The following CCDC88C variants were observed in gnomAD, a reference collection of about 807,000 sequenced individuals.
The protein encoded by CCDC88C is protein Daple.
In CCDC88C, 131 loss-of-function variants were observed where a neutral mutation model predicts 198.8. The observed-to-expected ratio is 0.66, with a 90% CI of 0.57 to 0.76. The LOEUF (loss-of-function observed/expected upper bound fraction) is 0.76, where lower values mean the gene tolerates loss of function less well. Ranked by LOEUF, CCDC88C falls within the 30% of genes least tolerant of loss-of-function variation. The pLI is 0.00. For missense variants in CCDC88C, 2,553 were observed against 2,631.6 expected, an observed-to-expected ratio of 0.97 and a Z score of 0.65; for synonymous variants, 1,166 against 1,114.7, an observed-to-expected ratio of 1.05 and a Z score of -0.92.
chr14:91,415,637 T>C (rs917819290), intron 2 of CCDC88C, among the ~76,000 whole-genome samples: 2 of 152,032 alleles, frequency 1.3e-5, no homozygotes, highest in African/African-American at 4.8e-5. Flanking sequence ...GGATAATCGC[T>C]TGAACCCGGG....
In CCDC88C at chr14:91,294,310, G is replaced by A; in HGVS notation, c.3975C>T (p.Ser1325=). The A allele has an allele frequency of 4.3e-6, 7 of 1,613,932 alleles. No homozygotes were observed. Among genetic ancestry groups the A allele is most frequent in the Non-Finnish European group, 5.9e-6 (7 of 1,179,868 alleles). The change falls in exon 23 of 30, where the codon TCC becomes TCT. Residue 1325 remains serine, a synonymous_variant. Coordinates refer to ENST00000389857, the MANE Select transcript of CCDC88C (RefSeq NM_001080414.4). ...TKLDNHCELL[S]RLKGNLEEEN... is the part of the protein sequence containing the mutation. ...CTTCCTCCAAGTTCCCCTTGAGACG[G>A]GAGAGCAGCTAGAACACAGACCAAC... is the stretch of plus-strand genomic sequence containing the variant.
intron 3 of CCDC88C, among the ~76,000 whole-genome samples, chr14:91,393,877 A>C (rs1885677263): frequency 6.6e-6 from 1 of 152,218 alleles, no homozygotes; most frequent in Admixed American, 6.5e-5. Context: ...CAACTTCATG[A>C]GCTCTACTCC....
rs1886338649 is a variant in CCDC88C, at chr14:91,403,732, C to T, written c.270+4927G>A. Among the ~76,000 whole-genome samples, 4 of 152,200 alleles carry T rather than the reference C, an allele frequency of 2.6e-5. No individual in the cohort carries two copies. The South Asian group carries it at 8.3e-4, about 32-fold the overall frequency. On this transcript the variant is annotated intron_variant, in intron 3 of 29. Coordinates refer to ENST00000389857, the MANE Select transcript of CCDC88C (RefSeq NM_001080414.4). ...ACTGCTTGAGCTCCCAAGTTTGAGA[C>T]CAGCCTGGCCAACATAGTGAAACCC...
intron 16 of CCDC88C, 142 bp from the exon 17 acceptor site, chr14:91,308,634 G>T: frequency 3.5e-6 from 3 of 864,796 alleles, no homozygotes; most frequent in Non-Finnish European, 5.5e-6. Context: ...GAACTCACGA[G>T]CCAAAACTCA....
intron 16 of CCDC88C, 100 bp downstream of exon 16, chr14:91,309,759 G>C: frequency 7.6e-7 from 1 of 1,314,026 alleles, no homozygotes; most frequent in East Asian, 2.5e-5. Flanking sequence ...GCCCTCGGCA[G>C]TAGAGAGTTC....
At chr14:91,299,794 C>T in intron 21 of CCDC88C, 133 bp downstream of exon 21, 2 of 1,216,442 alleles carry the variant, frequency 1.6e-6, no homozygotes, top group Non-Finnish European at 1.1e-6. Flanking sequence ...TTTACCCACC[C>T]AGCTGTTCAC....
At chr14:91,404,976 A>G (rs547087906) in intron 3 of CCDC88C, among the ~76,000 whole-genome samples, 47 of 151,352 alleles carry the variant, frequency 3.1e-4, no homozygotes, top group Non-Finnish European at 5.3e-4. Context: ...AAAAAAAAAA[A>G]AAGAGAAAAG....
At chr14:91,321,470 G>A (rs966076869) in intron 12 of CCDC88C, among the ~76,000 whole-genome samples, 166 bp from the exon 13 acceptor site, 1 of 152,312 alleles carries the variant, frequency 6.6e-6, no homozygotes, top group Admixed American at 6.5e-5. Context: ...TCCACTCCCA[G>A]TGCCCGAGGG....
intron 3 of CCDC88C, among the ~76,000 whole-genome samples, chr14:91,377,476 G>A (rs1007447197): frequency 2.9e-4 from 44 of 152,146 alleles, no homozygotes; most frequent in African/African-American, 8.7e-4. Flanking sequence ...CCGGCCACCC[G>A]AGCATGGGAC....
intron 10 of CCDC88C, among the ~76,000 whole-genome samples, chr14:91,332,342 C>T (rs1303506074): frequency 1.3e-5 from 2 of 152,184 alleles, no homozygotes; most frequent in Admixed American, 6.5e-5. Context: ...CACGCCCGCC[C>T]GCACGCTTCC....
At chr14:91,306,582 A>G (rs149208506) in intron 18 of CCDC88C, among the ~76,000 whole-genome samples, 2 of 152,378 alleles carry the variant, frequency 1.3e-5, no homozygotes, top group Admixed American at 6.5e-5. Context: ...GACATGCATT[A>G]GCAGACTTTT....
intron 23 of CCDC88C, among the ~76,000 whole-genome samples, chr14:91,291,716 C>T (rs117500783): frequency 0.015 from 2,275 of 152,196 alleles, 34 homozygotes; most frequent in Middle Eastern, 0.024. Flanking sequence ...CACAGTGGGG[C>T]GGACTTCCCG....
chr14:91,317,862 G>A (rs1892172220), intron 13 of CCDC88C, among the ~76,000 whole-genome samples: 1 of 152,220 alleles, frequency 6.6e-6, no homozygotes, highest in Non-Finnish European at 1.5e-5. Context: ...CCCCCGCCAG[G>A]TCCTGTTTGT....
At chr14:91,415,638 T>A (rs929721256) in intron 2 of CCDC88C, among the ~76,000 whole-genome samples, 14 of 151,796 alleles carry the variant, frequency 9.2e-5, no homozygotes, top group Non-Finnish European at 2.9e-5. Context: ...GATAATCGCT[T>A]GAACCCGGGA....
Position 91,288,909 on chromosome 14 carries a change from A to C in CCDC88C, c.4441+196T>G. On this transcript the variant is annotated intron_variant, in intron 25 of 29. Transcript: ENST00000389857. This position sits in a 1 kb window ranked among gnomAD's most constrained non-coding sequence, Gnocchi z 4.2. ...AAAAAATTAAAATAAAATATAAAATAAAGTAACAAAAGCATTATGGGACAA... is the reference window on the plus strand; with the variant it reads ...AAAAAATTAAAATAAAATATAAAATCAAGTAACAAAAGCATTATGGGACAA... The C allele has an allele frequency of 1.9e-6, 1 of 521,694 alleles. No homozygotes were observed. The highest frequency in any genetic ancestry group is 3.4e-5 in the Admixed American group (1 of 29,688). 32.3% of individuals were successfully genotyped at this position (521,694 alleles called of 1,614,324 possible). A position where few individuals can be genotyped will look rare whatever the true frequency, so the allele number is the denominator to read the frequency against.
chr14:91,398,527 C>A (rs1049397430), intron 3 of CCDC88C, among the ~76,000 whole-genome samples: 1 of 151,976 alleles, frequency 6.6e-6, no homozygotes, highest in Non-Finnish European at 1.5e-5. Flanking sequence ...CATGGTGGTG[C>A]ACACCTGTAG....
intron 3 of CCDC88C, among the ~76,000 whole-genome samples, chr14:91,360,359 A>G (rs1224946221): frequency 6.6e-6 from 1 of 151,880 alleles, no homozygotes; most frequent in East Asian, 1.9e-4. Flanking sequence ...GAGGTGGAAC[A>G]ATCGCTTGAA....
intron 3 of CCDC88C, among the ~76,000 whole-genome samples, chr14:91,401,024 A>T (rs924506589): frequency 2.6e-5 from 4 of 151,864 alleles, no homozygotes; most frequent in Admixed American, 2.6e-4. Flanking sequence ...ATGAAAGAGT[A>T]TTTAATGGCA....
Position 91,281,447 on chromosome 14 carries a change from C to T in CCDC88C, c.4699+10G>A, listed in dbSNP as rs537498135. On this transcript the variant is annotated intron_variant, in intron 27 of 29. Transcript: ENST00000389857. The stretch of plus-strand genomic sequence containing the variant: ...CCCAGGCTGGAGGACACAGCACCCT[C>T]CCTACTCACCGTACTGCCTGTGGTT... The T allele has an allele frequency of 3.1e-6, 5 of 1,613,874 alleles. No homozygotes were observed. In the South Asian group the frequency reaches 4.4e-5, roughly 14 times the overall value.
Sources: gnomAD v4.1 joint callset for allele counts (sites outside exome capture counted in the v4.1 genomes callset) on GRCh38, gnomAD v4.1.1 for gene constraint, Gnocchi (gnomAD v3.1) non-coding constraint, MANE v1.5 for transcripts, NCBI Gene and HGNC (gene_info 2026-07-23, HGNC 2026-07-21) for gene names.